CERKL: variants seen among roughly 807,000 people sequenced by gnomAD.
CERKL encodes the protein ceramide kinase-like protein.
CERKL carries 61 observed loss-of-function variants against 63.4 expected under a neutral mutation model. That is an observed-to-expected ratio of 0.96 (90% CI 0.78 to 1.19). The LOEUF (loss-of-function observed/expected upper bound fraction) is 1.19, where lower values mean the gene tolerates loss of function less well. CERKL is among the 50% of genes most tolerant of loss of function. The pLI, the probability that CERKL is intolerant of heterozygous loss-of-function variation, is 0.00. For synonymous variants in CERKL, 250 were observed against 230.5 expected (o/e 1.08, Z -0.77); for missense variants, 675 against 655.5 (o/e 1.03, Z -0.33).
chr2:181,642,412 CTT>C (rs147505011), intron 1 of CERKL, among the ~76,000 whole-genome samples: 14,829 of 152,208 alleles, frequency 0.097, 854 homozygotes, highest in East Asian at 0.12. Context: ...ATCACCAACT[CTT>C]GTTTTGAAAT....
At chr2:181,603,075 TA>T in intron 2 of CERKL, 1 of 260,206 alleles carries the variant, frequency 3.8e-6, no homozygotes, top group Non-Finnish European at 8.4e-6. Context: ...AGATATATCC[TA>T]ATAAACATGT....
chr2:181,578,236 A>G (rs796587632), intron 2 of CERKL, among the ~76,000 whole-genome samples: 1 of 143,520 alleles, frequency 7.0e-6, no homozygotes, highest in Non-Finnish European at 1.5e-5. Context: ...ACACACATAT[A>G]TGTGTGTATA....
rs925295942 is a variant in CERKL at position 181,537,425 on chromosome 2, A to C, written c.*759T>G. On this transcript the variant is annotated 3_prime_UTR_variant, in exon 13 of 13. Transcript: ENST00000410087. ...TCAAAATAGTATTTGTTATCAACTT[A>C]CTTTGTTACTTGTATCATGAATTTT... is the stretch of plus-strand genomic sequence containing the variant. The C allele has an allele frequency of 1.3e-5, 6 of 453,812 alleles. No individual in the cohort carries two copies. The highest frequency in any genetic ancestry group is 1.2e-4 in the Admixed American group (5 of 42,528). 28.1% of individuals were successfully genotyped at this position (453,812 alleles called of 1,614,324 possible). A position where few individuals can be genotyped will look rare whatever the true frequency, so the allele number is the denominator to read the frequency against.
chr2:181,538,224 C>CTGA lies in CERKL; in HGVS notation c.1556_1558dup (p.Ile519dup), dbSNP rs762150607. The CTGA allele has an allele frequency of 6.3e-7, 1 of 1,592,624 alleles. No individual in the cohort carries two copies. Among genetic ancestry groups the CTGA allele is most frequent in the Admixed American group, 1.7e-5 (1 of 59,890 alleles). On this transcript the variant is annotated inframe_insertion, in exon 13 of 13. Transcript: ENST00000410087. Reference sequence around the variant, plus strand: ...TTCTTCCATGCTTCCTCCATAAAGACTGATAAGTCTTGGATGCAATCTGTA... The same window carrying CTGA: ...TTCTTCCATGCTTCCTCCATAAAGACTGATGATAAGTCTTGGATGCAATCTGTA...
At position 181,598,872 on chromosome 2, in the gene CERKL, GAAA is replaced by G. The variant is rs550852358; in HGVS notation, c.481+4962_481+4964del. Reference sequence around the variant, plus strand: ...TACACCATAGTCATACCCTCAAGGGGAAAAAAAAAAAAAGTTTAAGTCCCGCCC... The same window carrying G: ...TACACCATAGTCATACCCTCAAGGGGAAAAAAAAAAGTTTAAGTCCCGCCC... On this transcript the variant is annotated intron_variant, in intron 2 of 12. Coordinates refer to ENST00000410087, the MANE Select transcript of CERKL (RefSeq NM_201548.5). 1.9e-4 allele frequency among the ~76,000 whole-genome samples: 22 copies of G among 118,896 alleles called. 1 individual carries two copies. In the South Asian group the frequency reaches 5.6e-3, roughly 30 times the overall value. 78.0% of individuals were successfully genotyped at this position (118,896 alleles called of 152,430 possible).
intron 1 of CERKL, among the ~76,000 whole-genome samples, chr2:181,648,378 G>A (rs1235251457): frequency 6.6e-6 from 1 of 151,828 alleles, no homozygotes; most frequent in African/African-American, 2.4e-5. Context: ...GGAGAGAAAG[G>A]GATAATTTAT....
At chr2:181,610,470 TA>T (rs965405970) in intron 1 of CERKL, among the ~76,000 whole-genome samples, 6 of 152,212 alleles carry the variant, frequency 3.9e-5, no homozygotes, top group African/African-American at 1.4e-4. Flanking sequence ...ATATTTATAA[TA>T]ACAAAAGTAT....
At chr2:181,586,106 A>T (rs988619587) in intron 2 of CERKL, among the ~76,000 whole-genome samples, 1 of 152,178 alleles carries the variant, frequency 6.6e-6, no homozygotes, top group Non-Finnish European at 1.5e-5. Context: ...TAACAATAAG[A>T]TGACCTTAGT....
At chr2:181,652,749 AAATT>A (rs1482373536) in intron 1 of CERKL, among the ~76,000 whole-genome samples, 3 of 150,638 alleles carry the variant, frequency 2.0e-5, no homozygotes, top group Non-Finnish European at 4.4e-5. Context: ...ATATATAAGA[AAATT>A]AATTCAACAG....
intron 11 of CERKL, among the ~76,000 whole-genome samples, chr2:181,539,965 T>A (rs1687421202): frequency 6.6e-6 from 1 of 152,234 alleles, no homozygotes; most frequent in Non-Finnish European, 1.5e-5. Flanking sequence ...GTATAACTAC[T>A]CATTTCAGTT....
In CERKL at chr2:181,657,020, G is replaced by C. The variant is rs766768309; in HGVS notation, c.-14C>G. The C allele has an allele frequency of 2.1e-5, 33 of 1,571,468 alleles. 1 individual carries two copies. The South Asian group carries it at 3.0e-4, about 14-fold the overall frequency. On this transcript the variant is annotated 5_prime_UTR_variant, in exon 1 of 13. Coordinates refer to ENST00000410087, the MANE Select transcript of CERKL (RefSeq NM_201548.5). ...CCTCCAGGGCATGGCGGAGTCGCAG[G>C]CTGGGCCCGAGCCAGGGGTCCGGGG...
At chr2:181,653,031 C>T (rs1688006219) in intron 1 of CERKL, among the ~76,000 whole-genome samples, 1 of 152,154 alleles carries the variant, frequency 6.6e-6, no homozygotes, top group Non-Finnish European at 1.5e-5. Context: ...CCTCGGCCTC[C>T]CAAAGTGCTG....
chr2:181,543,975 C>T (rs1223228457), intron 11 of CERKL, among the ~76,000 whole-genome samples: 2 of 113,090 alleles, frequency 1.8e-5, no homozygotes, highest in Non-Finnish European at 3.4e-5. Flanking sequence ...CACAGCAAGG[C>T]TCTAACTCAA....
At chr2:181,571,113 A>G (rs776354114) in intron 3 of CERKL, among the ~76,000 whole-genome samples, 13 of 152,178 alleles carry the variant, frequency 8.5e-5, no homozygotes, top group Non-Finnish European at 1.9e-4. Flanking sequence ...CAAAAATAAC[A>G]CTGTAAGATA....
chr2:181,574,336 C>T (rs937216833), intron 2 of CERKL, among the ~76,000 whole-genome samples: 5 of 152,178 alleles, frequency 3.3e-5, no homozygotes, highest in African/African-American at 1.2e-4. Context: ...GGGCTACCAA[C>T]GCCTGACCTA....
intron 1 of CERKL, among the ~76,000 whole-genome samples, chr2:181,656,013 A>G (rs1315763082): frequency 6.7e-6 from 1 of 150,350 alleles, no homozygotes; most frequent in African/African-American, 2.5e-5. Flanking sequence ...TATTTGACTA[A>G]GACGTGAAAA....
chr2:181,546,982 T>C (rs115613255), intron 10 of CERKL, among the ~76,000 whole-genome samples: 15,506 of 152,152 alleles, frequency 0.1, 1,088 homozygotes, highest in East Asian at 0.22. Context: ...GGGTGGGTCT[T>C]TCCTGTGCTG....
At chr2:181,574,524 G>A (rs1689040879) in intron 2 of CERKL, among the ~76,000 whole-genome samples, 1 of 152,188 alleles carries the variant, frequency 6.6e-6, no homozygotes, top group Non-Finnish European at 1.5e-5. Flanking sequence ...GGGATTCAAT[G>A]ATAGTGCTGC....
In CERKL at chr2:181,537,542, G is replaced by A. The variant is rs1433664565; in HGVS notation, c.*642C>T. 5 of 444,196 alleles carry A rather than the reference G, an allele frequency of 1.1e-5. No homozygotes were observed. Among genetic ancestry groups the A allele is most frequent in the East Asian group, 7.0e-5 (1 of 14,290 alleles). The allele number at this position is 444,196 out of a possible 1,614,324, so 27.5% of individuals were successfully genotyped here. A position where few individuals can be genotyped will look rare whatever the true frequency, so the allele number is the denominator to read the frequency against. On this transcript the variant is annotated 3_prime_UTR_variant, in exon 13 of 13. Coordinates refer to ENST00000410087, the MANE Select transcript of CERKL (RefSeq NM_201548.5). ...TGTGATTTTGAAATTTAACTGCTCT[G>A]GATTAGGGAGCAGTGAATCAAGGCA...
Sources: allele counts gnomAD v4.1 joint callset (sites outside exome capture counted in the v4.1 genomes callset), GRCh38; gene constraint gnomAD v4.1.1; transcripts MANE v1.5; gene names NCBI Gene and HGNC (gene_info 2026-07-23, HGNC 2026-07-21).